The following C1orf21 variants were observed in gnomAD, a reference collection of about 807,000 sequenced individuals.
C1orf21 encodes chromosome 1 open reading frame 21.
In C1orf21, 3 loss-of-function variants were observed where a neutral mutation model predicts 18.7. The observed-to-expected ratio is 0.16, with a 90% CI of 0.07 to 0.42. The LOEUF (loss-of-function observed/expected upper bound fraction) is 0.42, where lower values mean the gene tolerates loss of function less well. Ranked by LOEUF, C1orf21 falls within the 10% of genes least tolerant of loss-of-function variation. The pLI is 0.99. For missense variants in C1orf21, 104 were observed against 143.6 expected (o/e 0.72, Z 1.41); for synonymous variants, 41 against 46.4 (o/e 0.88, Z 0.47).
intron 1 of C1orf21, among the ~76,000 whole-genome samples, chr1:184,462,408 AT>A (rs963582949): frequency 2.6e-5 from 4 of 151,838 alleles, no homozygotes; most frequent in Admixed American, 2.0e-4. Flanking sequence ...GCGTTTTGTG[AT>A]TTTTTTTCTC....
chr1:184,583,494 G>T (rs546837378), intron 3 of C1orf21, among the ~76,000 whole-genome samples: 3 of 152,292 alleles, frequency 2.0e-5, no homozygotes, highest in Admixed American at 2.0e-4. Context: ...GAGTTTGCTG[G>T]TCTGGTGGGT....
intron 1 of C1orf21, among the ~76,000 whole-genome samples, chr1:184,474,406 A>C (rs1270534944): frequency 2.0e-5 from 3 of 152,242 alleles, no homozygotes; most frequent in Non-Finnish European, 4.4e-5. Context: ...TCCTTTAAAA[A>C]AAAGAGCCAT....
At chr1:184,476,713 C>G (rs1418515651) in intron 1 of C1orf21, among the ~76,000 whole-genome samples, 3 of 152,182 alleles carry the variant, frequency 2.0e-5, no homozygotes, top group African/African-American at 7.2e-5. Context: ...ATTTTGACGT[C>G]TTCTGCCCAA....
chr1:184,583,727 C>A (rs1659314090), intron 3 of C1orf21, among the ~76,000 whole-genome samples: 1 of 152,088 alleles, frequency 6.6e-6, no homozygotes, highest in Non-Finnish European at 1.5e-5. Flanking sequence ...TTGAGTGGGG[C>A]CTGGGAAACT....
At chr1:184,550,638 G>A (rs910603576) in intron 3 of C1orf21, among the ~76,000 whole-genome samples, 3 of 152,144 alleles carry the variant, frequency 2.0e-5, no homozygotes, top group Non-Finnish European at 4.4e-5. Flanking sequence ...GGGCTCAAAC[G>A]ATCCTCCAAC....
chr1:184,559,181 T>TG (rs781485888), intron 3 of C1orf21, among the ~76,000 whole-genome samples: 9 of 152,150 alleles, frequency 5.9e-5, no homozygotes, highest in Non-Finnish European at 1.2e-4. Context: ...GTTTGGATCA[T>TG]GGGGGAGGAT....
intron 5 of C1orf21, among the ~76,000 whole-genome samples, chr1:184,600,411 C>T (rs1191237377): frequency 2.0e-5 from 3 of 152,158 alleles, no homozygotes; most frequent in Non-Finnish European, 4.4e-5. Context: ...AGGTGATCGA[C>T]GCACCTCAGC....
At chr1:184,454,887 A>G (rs537967778) in intron 1 of C1orf21, among the ~76,000 whole-genome samples, 19 of 152,264 alleles carry the variant, frequency 1.2e-4, no homozygotes, top group Non-Finnish European at 2.6e-4. Flanking sequence ...TATATATATA[A>G]TAGAGAATGG....
intron 2 of C1orf21, among the ~76,000 whole-genome samples, chr1:184,489,607 C>G (rs573197392): frequency 8.9e-4 from 135 of 152,280 alleles, no homozygotes; most frequent in African/African-American, 3.0e-3. Context: ...AGTGTGCAAA[C>G]CTGTGTGTTC....
chr1:184,415,844 A>T (rs555162432), intron 1 of C1orf21, among the ~76,000 whole-genome samples: 2 of 152,316 alleles, frequency 1.3e-5, no homozygotes, highest in East Asian at 3.9e-4. Flanking sequence ...ACAGGTTTTA[A>T]TATTGACAAT....
At chr1:184,472,937 T>C (rs1267996943) in intron 1 of C1orf21, among the ~76,000 whole-genome samples, 2 of 152,212 alleles carry the variant, frequency 1.3e-5, no homozygotes, top group Non-Finnish European at 2.9e-5. Context: ...TTAAAAATAT[T>C]TCAACTGGGC....
At chr1:184,616,726 C>CGTGT (rs55938251) in intron 5 of C1orf21, among the ~76,000 whole-genome samples, 69,006 of 150,688 alleles carry the variant, frequency 0.46, 16,612 homozygotes, top group East Asian at 0.72. Context: ...GTTGTGTGCA[C>CGTGT]GTGTGTGTGT....
At chr1:184,507,984 G>A (rs529370114) in intron 3 of C1orf21, among the ~76,000 whole-genome samples, 1 of 152,226 alleles carries the variant, frequency 6.6e-6, no homozygotes, top group African/African-American at 2.4e-5. Flanking sequence ...GGGGAGGATT[G>A]TTTTAGTTTT....
At chr1:184,465,136 A>G (rs1304044629) in intron 1 of C1orf21, among the ~76,000 whole-genome samples, 1 of 152,162 alleles carries the variant, frequency 6.6e-6, no homozygotes, top group Admixed American at 6.5e-5. Flanking sequence ...ATCCAGGTAT[A>G]TCTTAGACTT....
At chr1:184,390,133 T>C (rs574761188) in intron 1 of C1orf21, among the ~76,000 whole-genome samples, 1 of 152,356 alleles carries the variant, frequency 6.6e-6, no homozygotes, top group East Asian at 1.9e-4. Flanking sequence ...TATGATACTT[T>C]GTTTTCCTCC....
intron 1 of C1orf21, among the ~76,000 whole-genome samples, chr1:184,468,969 T>C (rs1457395381): frequency 6.6e-6 from 1 of 151,736 alleles, no homozygotes; most frequent in Non-Finnish European, 1.5e-5. Flanking sequence ...GCTTGGTGGC[T>C]CATGCCTGTA....
chr1:184,569,043 A>G (rs1166502139), intron 3 of C1orf21, among the ~76,000 whole-genome samples: 1 of 152,248 alleles, frequency 6.6e-6, no homozygotes, highest in Non-Finnish European at 1.5e-5. Context: ...TGTAGTAAGA[A>G]GAGACAGATA....
intron 1 of C1orf21, among the ~76,000 whole-genome samples, chr1:184,417,914 G>A (rs1382844141): frequency 1.3e-5 from 2 of 152,208 alleles, no homozygotes; most frequent in East Asian, 3.9e-4. Flanking sequence ...GCATGAATGT[G>A]TGGGGGCAGC....
chr1:184,507,996 T>C (rs541095619), intron 3 of C1orf21, among the ~76,000 whole-genome samples: 5 of 152,168 alleles, frequency 3.3e-5, no homozygotes, highest in Admixed American at 2.0e-4. Context: ...TTTAGTTTTG[T>C]TTTTTTCTAC....
Sources: allele counts gnomAD v4.1 joint callset (sites outside exome capture counted in the v4.1 genomes callset), GRCh38; gene constraint gnomAD v4.1.1; transcripts MANE v1.5; gene names NCBI Gene and HGNC (gene_info 2026-07-23, HGNC 2026-07-21).